LRGUK: variants seen among roughly 807,000 people sequenced by gnomAD.
LRGUK encodes leucine-rich repeat and guanylate kinase domain-containing protein.
In LRGUK, 65 loss-of-function variants were observed where a neutral mutation model predicts 76.0. The ratio of observed to expected loss-of-function variants is 0.85; its 90% CI spans 0.70 to 1.05. The LOEUF (loss-of-function observed/expected upper bound fraction) is 1.05, where lower values mean the gene tolerates loss of function less well. LRGUK is among the 50% of genes least tolerant of loss of function. The pLI is 0.00. For synonymous variants in LRGUK, 268 were observed against 265.6 expected (o/e 1.01, Z -0.09); for missense variants, 758 against 732.8 (o/e 1.03, Z -0.40).
intron 15 of LRGUK, 118 bp downstream of exon 15, chr7:134,201,694 G>T (rs1046842113): frequency 1.5e-6 from 1 of 660,648 alleles, no homozygotes; most frequent in African/African-American, 1.8e-5. Context: ...TTTTATTCCT[G>T]TACTTCTTCT....
chr7:134,159,812 AC>A (rs1322404393), intron 6 of LRGUK, among the ~76,000 whole-genome samples: 2 of 152,234 alleles, frequency 1.3e-5, no homozygotes, highest in East Asian at 3.9e-4. Flanking sequence ...AAACAAAAAA[AC>A]ATCAACCAAA....
intron 7 of LRGUK, among the ~76,000 whole-genome samples, chr7:134,167,829 C>T (rs906522311): frequency 5.9e-5 from 9 of 152,118 alleles, no homozygotes; most frequent in Non-Finnish European, 8.8e-5. Context: ...TGAAAAAAGG[C>T]CTCTGACCCC....
At chr7:134,210,859 G>C (rs1801237587), downstream of LRGUK, among the ~76,000 whole-genome samples, 1 of 152,162 alleles carries the variant, frequency 6.6e-6, no homozygotes, top group Non-Finnish European at 1.5e-5. Context: ...ATGGGGCAGT[G>C]CCACAGGACA....
exon 19 of LRGUK, chr7:134,258,363 G>A: frequency 2.5e-6 from 4 of 1,614,044 alleles, no homozygotes; most frequent in Non-Finnish European, 3.4e-6. Flanking sequence ...TTCACACCTA[G>A]GATCAGGAGC....
chr7:134,142,552 A>G (rs1436103263), intron 3 of LRGUK, among the ~76,000 whole-genome samples: 2 of 152,218 alleles, frequency 1.3e-5, no homozygotes, highest in Non-Finnish European at 1.5e-5. Context: ...CACTTCAAAT[A>G]GTTAATGCGA....
chr7:134,227,733 T>C (rs1397172190), intron 16 of LRGUK, among the ~76,000 whole-genome samples: 1 of 151,980 alleles, frequency 6.6e-6, no homozygotes, highest in Admixed American at 6.6e-5. Context: ...TAAATTGAAA[T>C]TATAAAACCT....
intron 12 of LRGUK, among the ~76,000 whole-genome samples, chr7:134,196,052 A>G (rs1418028438): frequency 6.6e-6 from 1 of 152,138 alleles, no homozygotes; most frequent in Admixed American, 6.5e-5. Flanking sequence ...AATAGACCCA[A>G]CTGCTGCTGT....
Position 134,143,090 on chromosome 7 carries a change from T to A in LRGUK, c.516T>A (p.Tyr172Ter). 6.2e-7 allele frequency: 1 copy of A among 1,606,896 alleles called. No homozygotes were observed. The highest frequency in any genetic ancestry group is 8.5e-7 in the Non-Finnish European group (1 of 1,173,542). ...TATCTTGTGTGAGTTGTATGCCTTATCTCCTAGAACTTAATGCTTCTCAAA... is the reference window on the plus strand; with the variant it reads ...TATCTTGTGTGAGTTGTATGCCTTAACTCCTAGAACTTAATGCTTCTCAAA... Residue 172 changes from tyrosine to a stop codon, truncating the protein, a stop_gained, in exon 4 of 16, where the codon TAT becomes TAA. Transcript: ENST00000645682. LOFTEE classifies it high-confidence loss of function.
downstream of LRGUK, among the ~76,000 whole-genome samples, chr7:134,266,806 A>G (rs1802864891): frequency 6.6e-6 from 1 of 152,220 alleles, no homozygotes; most frequent in Non-Finnish European, 1.5e-5. Context: ...AGCTGAGTGA[A>G]TCCTAAACAG....
chr7:134,268,285 G>A (rs1214287883), downstream of LRGUK, among the ~76,000 whole-genome samples: 3 of 151,942 alleles, frequency 2.0e-5, no homozygotes, highest in African/African-American at 7.3e-5. Context: ...ATGAAATAGG[G>A]GATGAAACTA....
exon 16 of LRGUK, chr7:134,209,638 A>G (rs887816104): frequency 2.5e-6 from 1 of 399,008 alleles, no homozygotes; most frequent in Non-Finnish European, 4.4e-6. Flanking sequence ...AGGCTTTAGG[A>G]ACAACCTCCC....
At chr7:134,193,163 C>T (rs912338963) in intron 12 of LRGUK, among the ~76,000 whole-genome samples, 3 of 152,126 alleles carry the variant, frequency 2.0e-5, no homozygotes, top group Non-Finnish European at 4.4e-5. Context: ...CTAACTTTGT[C>T]AAAAGAACAT....
At chr7:134,134,718 T>C (rs1797454099) in intron 1 of LRGUK, among the ~76,000 whole-genome samples, 2 of 152,182 alleles carry the variant, frequency 1.3e-5, no homozygotes, top group Admixed American at 1.3e-4. Flanking sequence ...AAGGTAACAT[T>C]CCTTCCCAGG....
chr7:134,144,348 A>G (rs924361183), intron 4 of LRGUK, among the ~76,000 whole-genome samples: 15 of 152,160 alleles, frequency 9.9e-5, no homozygotes, highest in African/African-American at 3.4e-4. Flanking sequence ...CATGTAGCCC[A>G]GGCTGGTCTT....
the LRGUK span, among the ~76,000 whole-genome samples, chr7:134,275,737 A>G: frequency 6.6e-6 from 1 of 152,312 alleles, no homozygotes; most frequent in Non-Finnish European, 1.5e-5. Flanking sequence ...AACCAGGTTT[A>G]TCTGCACTCC....
At chr7:134,236,594 T>C (rs1802022487) in intron 16 of LRGUK, among the ~76,000 whole-genome samples, 1 of 152,208 alleles carries the variant, frequency 6.6e-6, no homozygotes, top group Non-Finnish European at 1.5e-5. Context: ...TCTGTTCCTT[T>C]AGCAAGGCAG....
intron 4 of LRGUK, 38 bp from the exon 5 acceptor site, chr7:134,148,200 A>G (rs2116869371): frequency 7.8e-7 from 1 of 1,276,686 alleles, no homozygotes; most frequent in East Asian, 2.3e-5. Context: ...TGAAAAATGA[A>G]ATATTAATAT....
intron 19 of LRGUK, 62 bp downstream of exon 19, chr7:134,258,467 G>T: frequency 6.7e-7 from 1 of 1,488,386 alleles, no homozygotes; most frequent in East Asian, 2.3e-5. Context: ...GGAGGCCGAG[G>T]CGAATGGATC....
At chr7:134,187,059 A>C (rs572768190) in intron 11 of LRGUK, among the ~76,000 whole-genome samples, 21 of 152,346 alleles carry the variant, frequency 1.4e-4, no homozygotes, top group Middle Eastern at 3.4e-3. Context: ...TAAGAATTTC[A>C]TCAAGGCACG....
Sources: gnomAD v4.1 joint callset for allele counts (sites outside exome capture counted in the v4.1 genomes callset) on GRCh38, gnomAD v4.1.1 for gene constraint, MANE v1.5 for transcripts, NCBI Gene and HGNC (gene_info 2026-07-23, HGNC 2026-07-21) for gene names.